METTL9: variants seen among roughly 807,000 people sequenced by gnomAD.
METTL9 encodes the protein methyltransferase 9, His-X-His N1(pi)-histidine, also known as protein-L-histidine N-pros-methyltransferase.
METTL9 carries 10 observed loss-of-function variants against 36.0 expected under a neutral mutation model. The observed-to-expected ratio is 0.28, with a 90% confidence interval of 0.17 to 0.47. The LOEUF is 0.47. Among genes scored for constraint, METTL9 ranks in the 20% least tolerant of loss-of-function variants. The pLI, the probability that METTL9 is intolerant of heterozygous loss-of-function variation, is 0.99. For synonymous variants in METTL9, 175 were observed against 149.7 expected, an observed-to-expected ratio of 1.17 and a Z score of -1.23; for missense variants, 246 against 383.5, an observed-to-expected ratio of 0.64 and a Z score of 3.00.
chr16:21,654,031 GTTTTGTTTT>G (rs1966645789), intron 4 of METTL9: 1 of 121,664 alleles, frequency 8.2e-6, no homozygotes, highest in African/African-American at 3.2e-5. Context: ...TTCTCAGTCT[GTTTTGTTTT>G]TTTTTTTTTT....
chr16:21,600,350 A>G (rs1172711575), intron 1 of METTL9, among the ~76,000 whole-genome samples: 1 of 152,152 alleles, frequency 6.6e-6, no homozygotes, highest in African/African-American at 2.4e-5. Context: ...TGTCTCGTTG[A>G]ATCCCAGAAC....
chr16:21,647,448 G>A (rs1200618916), intron 4 of METTL9: 10 of 1,614,068 alleles, frequency 6.2e-6, no homozygotes, highest in Non-Finnish European at 7.6e-6. Flanking sequence ...TCCACTTCTA[G>A]GTACCACGGT....
Position 21,612,649 on chromosome 16 carries a change from A to C in METTL9, c.170A>C (p.Tyr57Ser). The change falls in exon 2 of 5, where the codon TAT becomes TCT. Residue 57 changes from tyrosine (Y) to serine (S), a missense_variant. Tyr to Ser is a moderately radical substitution (Grantham distance 144). Transcript: ENST00000358154. ...TTTTTTTTTTTTTTTTTTTAGTGGTATGTGTGCAACAGAGAGAAATTATGC... is the reference window on the plus strand; with the variant it reads ...TTTTTTTTTTTTTTTTTTTAGTGGTCTGTGTGCAACAGAGAGAAATTATGC... Reference protein sequence around the residue: ...AGGRKENHQWYVCNREKLCES... With the variant: ...AGGRKENHQWSVCNREKLCES... 7.7e-7 allele frequency: 1 copy of C among 1,298,426 alleles called. No individual in the cohort carries two copies. Among genetic ancestry groups the C allele is most frequent in the Non-Finnish European group, 9.9e-7 (1 of 1,010,950 alleles). 80.4% of individuals were successfully genotyped at this position (1,298,426 alleles called of 1,614,324 possible). A position where few individuals can be genotyped will look rare whatever the true frequency, so the allele number is the denominator to read the frequency against.
intron 2 of METTL9, 57 bp from the exon 3 acceptor site, chr16:21,617,808 T>C (rs1965591638): frequency 2.9e-6 from 4 of 1,390,620 alleles, no homozygotes; most frequent in Non-Finnish European, 4.1e-6. Context: ...TGTGTGTGTA[T>C]GTGAGGGGTG....
chr16:21,621,422 T>G (rs1965690436), intron 3 of METTL9, among the ~76,000 whole-genome samples: 1 of 151,698 alleles, frequency 6.6e-6, no homozygotes, highest in African/African-American at 2.4e-5. Flanking sequence ...ACCTCCCAGG[T>G]TCAAGTGATT....
rs556503146 is a variant in METTL9, at chr16:21,608,148, C to CAAAAAAAAAAAA, written c.166-4489_166-4488insAAAAAAAAAAAA. On this transcript the variant is annotated intron_variant, in intron 1 of 4. Coordinates refer to ENST00000358154, the MANE Select transcript of METTL9 (RefSeq NM_016025.5). ...TGGGCGACAGAGCAAGACTCCGTCT[C>CAAAAAAAAAAAA]AAAAAAAACAAAGAACTCACCTGCT... 1.1e-4 allele frequency among the ~76,000 whole-genome samples: 17 copies of CAAAAAAAAAAAA among 150,996 alleles called. No homozygotes were observed. The East Asian group carries it at 1.6e-3, about 14-fold the overall frequency.
chr16:21,615,263 C>CT (rs1328414154), intron 2 of METTL9, among the ~76,000 whole-genome samples: 1 of 152,142 alleles, frequency 6.6e-6, no homozygotes, highest in Non-Finnish European at 1.5e-5. Context: ...GGGTCTCGCT[C>CT]TGTTGCCTAG....
intron 4 of METTL9, chr16:21,641,709 AT>A (rs1387713236): frequency 1.9e-6 from 1 of 530,594 alleles, no homozygotes; most frequent in Non-Finnish European, 3.3e-6. Context: ...AAGTGTCCAT[AT>A]GGTAATCTTA....
chr16:21,644,626 TA>T (rs1479772710), intron 4 of METTL9, among the ~76,000 whole-genome samples: 2 of 152,296 alleles, frequency 1.3e-5, no homozygotes, highest in East Asian at 3.9e-4. Flanking sequence ...TTTTAAACAT[TA>T]AAAAAATTCA....
At chr16:21,610,233 G>T (rs1965396084) in intron 1 of METTL9, among the ~76,000 whole-genome samples, 1 of 152,218 alleles carries the variant, frequency 6.6e-6, no homozygotes, top group Admixed American at 6.5e-5. Flanking sequence ...TTTCACGTAA[G>T]TGGAATTACA....
chr16:21,644,423 C>G (rs769724125), intron 4 of METTL9: 26 of 1,474,820 alleles, frequency 1.8e-5, no homozygotes, highest in Middle Eastern at 1.7e-4. Context: ...GAAAGAAGCA[C>G]ATTGACTATT....
At position 21,656,249 on chromosome 16, in the gene METTL9, A is replaced by T. The variant is rs568303948; in HGVS notation, c.*817A>T. On this transcript the variant is annotated 3_prime_UTR_variant, in exon 5 of 5. Transcript: ENST00000358154. ...CCTGGTTCTGACTTTGTGATCACTCATGTCCCATACACTGAACTTTGTTTT... is the reference window on the plus strand; with the variant it reads ...CCTGGTTCTGACTTTGTGATCACTCTTGTCCCATACACTGAACTTTGTTTT... 1 of 138,910 alleles carries T rather than the reference A, an allele frequency of 7.2e-6. No homozygotes were observed. Among genetic ancestry groups the T allele is most frequent in the South Asian group, 2.2e-4 (1 of 4,556 alleles). 8.6% of individuals were successfully genotyped at this position (138,910 alleles called of 1,614,324 possible).
intron 1 of METTL9, chr16:21,612,392 C>T (rs987369785): frequency 6.2e-6 from 2 of 321,650 alleles, no homozygotes; most frequent in Non-Finnish European, 1.1e-5. Flanking sequence ...AAAGCCTCTC[C>T]ACCCTTCCCT....
At chr16:21,652,612 G>A (rs372070506) in intron 4 of METTL9, 35 of 1,598,440 alleles carry the variant, frequency 2.2e-5, no homozygotes, top group African/African-American at 2.0e-4. Flanking sequence ...TGTGTATGCC[G>A]GGGCGGGTTG....
chr16:21,597,356 C>G, upstream of METTL9: 1 of 1,156,498 alleles, frequency 8.6e-7, no homozygotes, highest in Non-Finnish European at 1.2e-6. Context: ...TCATCGGATG[C>G]TCTGGTTTCT....
At chr16:21,654,853 A>G (rs1966668133) in intron 4 of METTL9, 1 of 195,966 alleles carries the variant, frequency 5.1e-6, no homozygotes, top group Non-Finnish European at 1.1e-5. Flanking sequence ...CTGTTTCAGT[A>G]TTCCAGCATT....
intron 4 of METTL9, among the ~76,000 whole-genome samples, chr16:21,637,125 G>A (rs540976720): frequency 7.9e-5 from 12 of 152,246 alleles, no homozygotes; most frequent in East Asian, 7.7e-4. Flanking sequence ...GGACCCGAGC[G>A]GGTTGCTGCT....
Position 21,617,907 on chromosome 16 carries a change from G to A in METTL9, c.399G>A (p.Gln133=), listed in dbSNP as rs758999591. 8.7e-6 allele frequency: 14 copies of A among 1,613,950 alleles called. No homozygotes were observed. The South Asian group carries it at 1.5e-4, about 18-fold the overall frequency. ...RGSMFVFSPD[Q]FQRLLKINPD... The stretch of plus-strand genomic sequence containing the variant: ...CAATGTTTGTGTTTTCACCAGATCA[G>A]TTTCAGAGACTGCTTAAAATTAATC... Residue 133 remains glutamine, a synonymous_variant, in exon 3 of 5, where the codon CAG becomes CAA. Coordinates refer to ENST00000358154, the MANE Select transcript of METTL9 (RefSeq NM_016025.5).
intron 4 of METTL9, chr16:21,627,066 T>A: frequency 1.0e-6 from 1 of 985,406 alleles, no homozygotes; most frequent in Non-Finnish European, 1.2e-6. Flanking sequence ...ACTGCAGACC[T>A]GAGACAAGAA....
Sources: allele counts gnomAD v4.1 joint callset (sites outside exome capture counted in the v4.1 genomes callset), GRCh38; gene constraint gnomAD v4.1.1; transcripts MANE v1.5; gene names NCBI Gene and HGNC (gene_info 2026-07-23, HGNC 2026-07-21).